TBC1D2B: variants seen among roughly 807,000 people sequenced by gnomAD.
TBC1D2B encodes TBC1 domain family member 2B.
In TBC1D2B, 64 loss-of-function variants were observed where a neutral mutation model predicts 100.8. That is an observed-to-expected ratio of 0.64 (90% CI 0.52 to 0.78). The LOEUF (loss-of-function observed/expected upper bound fraction) is 0.78. TBC1D2B is among the 30% of genes least tolerant of loss of function. The pLI is 0.00. For synonymous variants in TBC1D2B, 480 were observed against 479.7 expected (o/e 1.00, Z -0.01); for missense variants, 1,052 against 1,218.4 (o/e 0.86, Z 2.03).
intron 1 of TBC1D2B, among the ~76,000 whole-genome samples, chr15:78,061,752 T>C (rs1356382511): frequency 6.6e-6 from 1 of 151,468 alleles, no homozygotes; most frequent in Non-Finnish European, 1.5e-5. Flanking sequence ...ATTAAATGAA[T>C]GAATTTAATA....
intron 1 of TBC1D2B, among the ~76,000 whole-genome samples, chr15:78,059,130 C>T (rs898093170): frequency 6.6e-6 from 1 of 152,204 alleles, no homozygotes; most frequent in African/African-American, 2.4e-5. Context: ...TCTGGGTGTA[C>T]ATTTTGTCTC....
chr15:78,053,931 T>C lies in TBC1D2B; in HGVS notation c.514+103A>G, dbSNP rs1885527387. 3 of 1,270,704 alleles carry C rather than the reference T, an allele frequency of 2.4e-6. No individual in the cohort carries two copies. The African/African-American group carries it at 4.5e-5, about 19-fold the overall frequency. 78.7% of individuals were successfully genotyped at this position (1,270,704 alleles called of 1,614,324 possible). ...GTCCACTCATAAGGTAGCATCATTA[T>C]TATTTTCTTTCTAAATTCATTTTCA... On this transcript the variant is annotated intron_variant, in intron 2 of 12. Transcript: ENST00000300584.
At chr15:78,016,831 A>G (rs962032461) in intron 7 of TBC1D2B, 92 bp from the exon 8 acceptor site, 1 of 1,051,286 alleles carries the variant, frequency 9.5e-7, no homozygotes, top group Non-Finnish European at 1.3e-6. Flanking sequence ...AACAAACCCA[A>G]AACTATTAGG....
intron 4 of TBC1D2B, among the ~76,000 whole-genome samples, chr15:78,026,647 G>A (rs539247973): frequency 6.6e-6 from 1 of 152,296 alleles, no homozygotes; most frequent in Non-Finnish European, 1.5e-5. Context: ...CAGGCATGGT[G>A]GCTCACGCCT....
At chr15:78,061,579 T>A (rs1334557841) in intron 1 of TBC1D2B, among the ~76,000 whole-genome samples, 2 of 147,846 alleles carry the variant, frequency 1.4e-5, no homozygotes, top group East Asian at 2.0e-4. Context: ...TCTCCAAAAA[T>A]ATATATATAA....
Position 78,073,947 on chromosome 15 carries a change from C to T in TBC1D2B, c.360+3346G>A, listed in dbSNP as rs1336689806. 4.0e-5 allele frequency among the ~76,000 whole-genome samples: 6 copies of T among 149,902 alleles called. No individual in the cohort carries two copies. The East Asian group carries it at 9.9e-4, about 25-fold the overall frequency. ...CTGTGCCACTGCACTCCAGCCTGGGCGACACAGCAAGACTCTGTTTCAAAA... is the reference window on the plus strand; with the variant it reads ...CTGTGCCACTGCACTCCAGCCTGGGTGACACAGCAAGACTCTGTTTCAAAA... On this transcript the variant is annotated intron_variant, in intron 1 of 12. Transcript: ENST00000300584.
intron 3 of TBC1D2B, among the ~76,000 whole-genome samples, chr15:78,030,789 T>C (rs1043817633): frequency 1.3e-5 from 2 of 152,180 alleles, no homozygotes; most frequent in South Asian, 2.1e-4. Context: ...CACTGCAGCA[T>C]TGTTCATATT....
intron 1 of TBC1D2B, among the ~76,000 whole-genome samples, chr15:78,059,170 T>C (rs2073489745): frequency 6.6e-6 from 1 of 152,218 alleles, no homozygotes; most frequent in South Asian, 2.1e-4. Context: ...TCAGAGAATC[T>C]TGTAGCCCAG....
At chr15:78,038,056 G>C (rs2072990361) in intron 3 of TBC1D2B, among the ~76,000 whole-genome samples, 1 of 152,140 alleles carries the variant, frequency 6.6e-6, no homozygotes, top group Non-Finnish European at 1.5e-5. Flanking sequence ...CGAGTATAAA[G>C]GGCAGAGGAT....
At chr15:78,067,041 A>G (rs1346377537) in intron 1 of TBC1D2B, among the ~76,000 whole-genome samples, 2 of 152,280 alleles carry the variant, frequency 1.3e-5, no homozygotes, top group African/African-American at 4.8e-5. Flanking sequence ...CTACTAAAAA[A>G]AGAATAAGCC....
intron 3 of TBC1D2B, among the ~76,000 whole-genome samples, chr15:78,040,605 TGAGA>T (rs1267119365): frequency 3.8e-5 from 1 of 26,076 alleles, no homozygotes; most frequent in Non-Finnish European, 9.3e-5. Flanking sequence ...AGAGAGAAAG[TGAGA>T]GAGAAAGAAA....
intron 2 of TBC1D2B, among the ~76,000 whole-genome samples, chr15:78,045,655 A>C (rs2073180095): frequency 6.6e-6 from 1 of 152,256 alleles, no homozygotes; most frequent in African/African-American, 2.4e-5. Flanking sequence ...TAAAATGTAA[A>C]CTTTTGAAAT....
chr15:78,037,163 C>T (rs1294593274), intron 3 of TBC1D2B, among the ~76,000 whole-genome samples: 1 of 152,044 alleles, frequency 6.6e-6, no homozygotes, highest in Non-Finnish European at 1.5e-5. Context: ...GCAGACACCC[C>T]CACCCCTTCA....
At chr15:78,005,373 T>C (rs1313499507) in intron 10 of TBC1D2B, among the ~76,000 whole-genome samples, 5 of 152,248 alleles carry the variant, frequency 3.3e-5, no homozygotes, top group Admixed American at 6.5e-5. Context: ...GCATGTGGAC[T>C]GCAGTAGCAG....
intron 1 of TBC1D2B, among the ~76,000 whole-genome samples, chr15:78,076,466 A>C (rs1170257827): frequency 6.6e-6 from 1 of 152,154 alleles, no homozygotes; most frequent in African/African-American, 2.4e-5. Context: ...TACAGTGCTA[A>C]ATGCACTCTG....
chr15:77,998,761 G>T, intron 12 of TBC1D2B: 1 of 177,484 alleles, frequency 5.6e-6, no homozygotes, highest in Non-Finnish European at 1.2e-5. Context: ...ATCCTTGGGC[G>T]GGCATGAGGC....
At chr15:78,041,117 C>A (rs1274747180) in intron 3 of TBC1D2B, among the ~76,000 whole-genome samples, 2 of 152,078 alleles carry the variant, frequency 1.3e-5, no homozygotes, top group Non-Finnish European at 2.9e-5. Flanking sequence ...AGTTTTTTTT[C>A]TTTGATTTTT....
At position 78,025,958 on chromosome 15, in the gene TBC1D2B, C is replaced by T. The variant is rs140726387; in HGVS notation, c.848-461G>A. On this transcript the variant is annotated intron_variant, in intron 4 of 12. Transcript: ENST00000300584. ...AACTACAGGAGATTGATGACTCTGC[C>T]CCCACTGCATTCTAGATAGTAACCA... Among the ~76,000 whole-genome samples the T allele has an allele frequency of 9.9e-3, 1,496 of 151,294 alleles. 12 individuals carry two copies. The highest frequency in any genetic ancestry group is 0.065 in the Middle Eastern group (19 of 294).
At chr15:78,040,891 A>AAAGAAAGAAAGAAAGAAAGAAAGG (rs2073078479) in intron 3 of TBC1D2B, among the ~76,000 whole-genome samples, 1 of 148,348 alleles carries the variant, frequency 6.7e-6, no homozygotes, top group Admixed American at 6.6e-5. Flanking sequence ...AGAGAGAGAG[A>AAAGAAAGAAAGAAAGAAAGAAAGG]GAGAAAGAAA....
Sources: allele counts gnomAD v4.1 joint callset (sites outside exome capture counted in the v4.1 genomes callset), GRCh38; gene constraint gnomAD v4.1.1; transcripts MANE v1.5; gene names NCBI Gene and HGNC (gene_info 2026-07-23, HGNC 2026-07-21).